The following ANO3 variants were observed in gnomAD, a reference collection of about 807,000 sequenced individuals.
ANO3 encodes the protein anoctamin 3, also known as anoctamin-3.
A neutral mutation model predicts 144.8 loss-of-function variants in ANO3; 99 were observed. The observed-to-expected ratio is 0.68, with a 90% CI of 0.58 to 0.81. The LOEUF (loss-of-function observed/expected upper bound fraction) is 0.81, where lower values mean the gene tolerates loss of function less well. ANO3 is among the 30% of genes least tolerant of loss of function. The probability of loss-of-function intolerance (pLI) is 0.00; values close to 1 mark genes in which losing one functional copy is unlikely to be tolerated. For missense variants in ANO3, 905 were observed against 1,202.2 expected (o/e 0.75, Z 3.66); for synonymous variants, 414 against 392.6 (o/e 1.05, Z -0.64).
chr11:26,655,776 A>G (rs1853667453), intron 24 of ANO3, among the ~76,000 whole-genome samples: 2 of 152,198 alleles, frequency 1.3e-5, no homozygotes, highest in African/African-American at 4.8e-5. Context: ...CTACTTAATT[A>G]TAATTGAATA....
At chr11:26,450,257 T>G (rs1413248002) in intron 3 of ANO3, among the ~76,000 whole-genome samples, 2 of 151,862 alleles carry the variant, frequency 1.3e-5, no homozygotes, top group Non-Finnish European at 2.9e-5. Flanking sequence ...ATTGGAAGAG[T>G]GCAGGGAAAG....
intron 3 of ANO3, among the ~76,000 whole-genome samples, chr11:26,450,170 A>T (rs1858873023): frequency 6.6e-6 from 1 of 152,202 alleles, no homozygotes; most frequent in African/African-American, 2.4e-5. Flanking sequence ...AGATGATAGT[A>T]ACTGTGACTT....
intron 1 of ANO3, among the ~76,000 whole-genome samples, chr11:26,392,203 G>A (rs540997070): frequency 1.2e-4 from 17 of 146,422 alleles, no homozygotes; most frequent in African/African-American, 4.3e-4. Flanking sequence ...TTTTCTGAAC[G>A]CTCCTTTGTC....
chr11:26,621,607 C>T (rs1173463430), intron 17 of ANO3, among the ~76,000 whole-genome samples: 7 of 152,066 alleles, frequency 4.6e-5, no homozygotes, highest in Non-Finnish European at 8.8e-5. Flanking sequence ...CTTTATTTTC[C>T]CTCAGAGCAC....
intron 4 of ANO3, among the ~76,000 whole-genome samples, chr11:26,495,747 A>T (rs551751940): frequency 1.6e-4 from 25 of 152,328 alleles, no homozygotes; most frequent in African/African-American, 6.0e-4. Context: ...TAAGGAACAC[A>T]GCCTAGGGCT....
chr11:26,479,175 G>A (rs1860103297), intron 4 of ANO3, among the ~76,000 whole-genome samples: 1 of 152,156 alleles, frequency 6.6e-6, no homozygotes, highest in South Asian at 2.1e-4. Context: ...ACTTTTCAGA[G>A]GTAGAGAGCT....
chr11:26,518,025 A>G (rs1031817720), intron 6 of ANO3, among the ~76,000 whole-genome samples: 2 of 152,062 alleles, frequency 1.3e-5, no homozygotes, highest in Non-Finnish European at 1.5e-5. Flanking sequence ...TATAGACTTG[A>G]TATTTAGAAT....
At chr11:26,304,056 A>G (rs552161125) in intron 1 of ANO3, among the ~76,000 whole-genome samples, 42 of 152,190 alleles carry the variant, frequency 2.8e-4, no homozygotes, top group Non-Finnish European at 3.1e-4. Context: ...CTTAAGTAAT[A>G]TCAAATAATA....
At chr11:26,352,142 T>A (rs1855662567) in intron 1 of ANO3, among the ~76,000 whole-genome samples, 1 of 152,192 alleles carries the variant, frequency 6.6e-6, no homozygotes, top group Non-Finnish European at 1.5e-5. Flanking sequence ...TTTTCATTAG[T>A]AACTGGGTCT....
At chr11:26,538,559 T>A (rs192629639) in intron 10 of ANO3, among the ~76,000 whole-genome samples, 37 of 152,270 alleles carry the variant, frequency 2.4e-4, no homozygotes, top group African/African-American at 6.0e-4. Context: ...GTGTTCAGAA[T>A]GGCAAACTTA....
intron 1 of ANO3, among the ~76,000 whole-genome samples, chr11:26,394,530 GGAGA>G (rs772678130): frequency 3.5e-4 from 53 of 150,614 alleles, no homozygotes; most frequent in Non-Finnish European, 6.8e-4. Context: ...TTCAATAATA[GGAGA>G]TAGATGGAAA....
chr11:26,579,119 T>C (rs1376803767), intron 14 of ANO3, among the ~76,000 whole-genome samples: 1 of 152,224 alleles, frequency 6.6e-6, no homozygotes, highest in Non-Finnish European at 1.5e-5. Flanking sequence ...AAACTGACAG[T>C]TTGATAATAT....
chr11:26,564,718 CACACACACACACACATAT>C (rs1850458621), intron 14 of ANO3, among the ~76,000 whole-genome samples: 4 of 74,930 alleles, frequency 5.3e-5, no homozygotes, highest in Non-Finnish European at 1.0e-4. Context: ...CACACACACA[CACACACACACACACATAT>C]ATATATATAT....
At chr11:26,460,414 A>G (rs1328415469) in intron 3 of ANO3, among the ~76,000 whole-genome samples, 1 of 45,872 alleles carries the variant, frequency 2.2e-5, no homozygotes, top group African/African-American at 6.5e-5. Flanking sequence ...GAAAAAGAAG[A>G]AGAAAGGGGG....
chr11:26,565,920 G>T, intron 14 of ANO3: 1 of 1,536,644 alleles, frequency 6.5e-7, no homozygotes, highest in South Asian at 1.3e-5. Context: ...ACCATAATTT[G>T]AATTCCTTAA....
chr11:26,309,195 A>T (rs886235235), upstream of ANO3, among the ~76,000 whole-genome samples: 1 of 152,220 alleles, frequency 6.6e-6, no homozygotes, highest in African/African-American at 2.4e-5. Context: ...CTAGACACAG[A>T]CAACAGGCTG....
At chr11:26,245,475 T>C (rs1590213520) in intron 1 of ANO3, among the ~76,000 whole-genome samples, 2 of 152,316 alleles carry the variant, frequency 1.3e-5, no homozygotes, top group East Asian at 3.9e-4. Flanking sequence ...GTTTCTTAGA[T>C]TACTTTCTTA....
intron 14 of ANO3, chr11:26,565,040 A>C (rs2134266100): frequency 2.1e-6 from 2 of 972,624 alleles, no homozygotes; most frequent in Admixed American, 6.8e-5. Context: ...CTCAAAAGTG[A>C]GAAAATCCAT....
intron 6 of ANO3, among the ~76,000 whole-genome samples, chr11:26,518,800 T>C (rs1187341061): frequency 6.6e-6 from 1 of 151,988 alleles, no homozygotes; most frequent in African/African-American, 2.4e-5. Flanking sequence ...CAATTATTCA[T>C]ACAAGGTGAT....
Sources: gnomAD v4.1 joint callset for allele counts (sites outside exome capture counted in the v4.1 genomes callset) on GRCh38, gnomAD v4.1.1 for gene constraint, MANE v1.5 for transcripts, NCBI Gene and HGNC (gene_info 2026-07-23, HGNC 2026-07-21) for gene names.